Variants in SBNO1 observed in about 807,000 individuals in gnomAD.
The protein encoded by SBNO1 is strawberry notch homolog 1, also known as protein strawberry notch homolog 1.
SBNO1 carries 23 observed loss-of-function variants against 173.6 expected under a neutral mutation model. That is an observed-to-expected ratio of 0.13 (90% CI 0.10 to 0.19). The LOEUF is 0.19. SBNO1 is among the 10% of genes least tolerant of loss of function. SBNO1 has a pLI of 1.00. For missense variants in SBNO1, 1,238 were observed against 1,671.2 expected (o/e 0.74, Z 4.52); for synonymous variants, 632 against 571.5 (o/e 1.11, Z -1.51).
In SBNO1 at chr12:123,321,649, A is replaced by G. The variant is rs747266157; in HGVS notation, c.2209T>C (p.Ser737Pro). Residue 737 changes from serine (S) to proline (P), a missense_variant, in exon 17 of 32, where the codon TCT (serine) becomes CCT (proline). Ser to Pro is a moderately conservative substitution (Grantham distance 74, BLOSUM62 -1). Coordinates refer to ENST00000602398, the MANE Select transcript of SBNO1 (RefSeq NM_001167856.3). ...GSSSDDSGSE[S>P]DASDNEESDY... ...CTTTCTTCATTATCAGAGGCATCAG[A>G]TTCACTTCCACTGTCGTCAGAACTG... The G allele has an allele frequency of 1.9e-6, 3 of 1,614,056 alleles. No homozygotes were observed. In the South Asian group the frequency reaches 3.3e-5, roughly 18 times the overall value.
chr12:123,295,728 C>A lies in SBNO1; in HGVS notation c.*180G>T, dbSNP rs1435754269. The A allele has an allele frequency of 5.8e-6, 4 of 694,628 alleles. No individual in the cohort carries two copies. Among genetic ancestry groups the A allele is most frequent in the African/African-American group, 1.8e-5 (1 of 56,450 alleles). The allele number at this position is 694,628 out of a possible 1,614,324, so 43.0% of individuals were successfully genotyped here. On this transcript the variant is annotated 3_prime_UTR_variant, in exon 32 of 32. Coordinates refer to ENST00000602398, the MANE Select transcript of SBNO1 (RefSeq NM_001167856.3). ...AAAGGAAAGACATATGTACCACCAT[C>A]AGCACTGCTGATTTTCAGTTTTGCT...
At chr12:123,304,093 GCTATCTTTT>G (rs1413587009) in intron 29 of SBNO1, among the ~76,000 whole-genome samples, 2 of 151,784 alleles carry the variant, frequency 1.3e-5, no homozygotes, top group African/African-American at 2.4e-5. Context: ...ACTACGCCTG[GCTATCTTTT>G]CTATCTTTAG....
Position 123,313,739 on chromosome 12 carries a change from C to A in SBNO1, c.3121-20G>T, listed in dbSNP as rs774242908. The A allele has an allele frequency of 1.0e-5, 15 of 1,436,390 alleles. No individual in the cohort carries two copies. Among genetic ancestry groups the A allele is most frequent in the Admixed American group, 1.7e-5 (1 of 58,472 alleles). The allele number at this position is 1,436,390 out of a possible 1,614,324, so 89.0% of individuals were successfully genotyped here. On this transcript the variant is annotated intron_variant, in intron 23 of 31. Coordinates refer to ENST00000602398, the MANE Select transcript of SBNO1 (RefSeq NM_001167856.3). ...TCCATACTGCAAAAAAAAATCAAAA[C>A]CTTTAACCAGTTTCAGCATTTGGAT...
intron 1 of SBNO1, chr12:123,363,895 G>A (rs1407932922): frequency 2.0e-6 from 2 of 985,382 alleles, no homozygotes; most frequent in Non-Finnish European, 2.4e-6. Flanking sequence ...GAAGGGTTTA[G>A]GAACATCCAA....
intron 4 of SBNO1, among the ~76,000 whole-genome samples, chr12:123,343,598 G>T (rs1167683349): frequency 1.3e-5 from 2 of 150,014 alleles, no homozygotes; most frequent in African/African-American, 4.9e-5. Context: ...GAGTGCAGTG[G>T]CGCCATCTCA....
intron 1 of SBNO1, among the ~76,000 whole-genome samples, chr12:123,357,348 G>A (rs1376134995): frequency 6.6e-6 from 1 of 151,872 alleles, no homozygotes; most frequent in African/African-American, 2.4e-5. Context: ...TACTCCAGAG[G>A]CTGAGACAGG....
chr12:123,335,247 T>A (rs1871699484), intron 6 of SBNO1, among the ~76,000 whole-genome samples: 1 of 152,156 alleles, frequency 6.6e-6, no homozygotes, highest in African/African-American at 2.4e-5. Context: ...GAGACCAGCC[T>A]GGCCAACACG....
intron 9 of SBNO1, among the ~76,000 whole-genome samples, chr12:123,329,455 A>T (rs746834838): frequency 4.0e-5 from 6 of 151,810 alleles, no homozygotes; most frequent in Non-Finnish European, 5.9e-5. Context: ...AAACCAGACA[A>T]ACTTCCCTAT....
At chr12:123,343,537 C>CT (rs58841947) in intron 4 of SBNO1, among the ~76,000 whole-genome samples, 5,199 of 135,474 alleles carry the variant, frequency 0.038, 171 homozygotes, top group South Asian at 0.088. Flanking sequence ...CACTTACCAT[C>CT]TTTTTTTTTT....
At chr12:123,307,042 A>C (rs1447502085) in intron 28 of SBNO1, among the ~76,000 whole-genome samples, 4 of 148,540 alleles carry the variant, frequency 2.7e-5, no homozygotes, top group Non-Finnish European at 4.5e-5. Flanking sequence ...AAAAAAAAAA[A>C]GCCAAATGTG....
chr12:123,320,386 G>T, intron 19 of SBNO1, 46 bp downstream of exon 19: 2 of 1,482,452 alleles, frequency 1.3e-6, no homozygotes, highest in Non-Finnish European at 9.2e-7. Context: ...CATTTTACAG[G>T]GGTTCAAATG....
intron 3 of SBNO1, among the ~76,000 whole-genome samples, chr12:123,346,527 G>C (rs780141489): frequency 8.5e-5 from 13 of 152,142 alleles, no homozygotes; most frequent in Non-Finnish European, 1.6e-4. Context: ...AGCCGGGCGT[G>C]GTGGCGGATG....
intron 3 of SBNO1, 49 bp from the exon 4 acceptor site, chr12:123,345,619 A>C (rs1353427084): frequency 2.7e-6 from 4 of 1,477,200 alleles, no homozygotes; most frequent in Non-Finnish European, 3.7e-6. Flanking sequence ...TCATTCTCTA[A>C]TGAAGCTTAT....
At position 123,364,783 on chromosome 12, in the gene SBNO1, G is replaced by A. The variant is rs1231776964; in HGVS notation, c.-83C>T. 2.0e-6 allele frequency: 2 copies of A among 987,826 alleles called. No individual in the cohort carries two copies. Among genetic ancestry groups the A allele is most frequent in the African/African-American group, 1.8e-5 (1 of 57,016 alleles). 61.2% of individuals were successfully genotyped at this position (987,826 alleles called of 1,614,324 possible). A position where few individuals can be genotyped will look rare whatever the true frequency, so the allele number is the denominator to read the frequency against. On this transcript the variant is annotated 5_prime_UTR_variant, in exon 1 of 32. Transcript: ENST00000602398. Reference sequence around the variant, plus strand: ...ACCAGAGGCGACTGGAGCGGAGGCGGCGGTGGCGGCGGCAGCAGCGGCGTC... The same window carrying A: ...ACCAGAGGCGACTGGAGCGGAGGCGACGGTGGCGGCGGCAGCAGCGGCGTC...
At position 123,290,457 on chromosome 12, in the gene SBNO1, C is replaced by T. The variant is rs549528350; in HGVS notation, c.*5451G>A. 1.3e-4 allele frequency: 20 copies of T among 152,314 alleles called. No individual in the cohort carries two copies. The East Asian group carries it at 3.7e-3, about 28-fold the overall frequency. 9.4% of individuals were successfully genotyped at this position (152,314 alleles called of 1,614,324 possible). On this transcript the variant is annotated 3_prime_UTR_variant, in exon 32 of 32. Transcript: ENST00000602398. ...GTGAACAAATACCCAATGTCTGCCT[C>T]CCGGGTGCTCAACACCATCATTTTG...
At chr12:123,364,231 C>T (rs1875804499) in intron 1 of SBNO1, 28 of 985,514 alleles carry the variant, frequency 2.8e-5, no homozygotes, top group Non-Finnish European at 3.4e-5. Flanking sequence ...GCCTCCCTCC[C>T]TCGCCCAGAG....
In SBNO1 at chr12:123,331,280, G is replaced by A. The variant is rs763217744; in HGVS notation, c.1005C>T (p.Ile335=). 1.9e-6 allele frequency: 3 copies of A among 1,614,018 alleles called. No individual in the cohort carries two copies. The highest frequency in any genetic ancestry group is 2.7e-5 in the African/African-American group (2 of 75,020). The change falls in exon 8 of 32, where the codon ATC becomes ATT. Residue 335 remains isoleucine (I), a synonymous_variant. Coordinates refer to ENST00000602398, the MANE Select transcript of SBNO1 (RefSeq NM_001167856.3). ...VGKGRTIAGI[I]YENYLLSRKR... ...TTCTACTCAACAAATAATTTTCATA[G>A]ATGATTCCTGCTATCGTCCTTCCTT...
In SBNO1 at chr12:123,294,634, C is replaced by CAAAAAAAAAAAAAAAAAAAAAAAAGAA. The variant is rs2048560283; in HGVS notation, c.*1273_*1274insTTCTTTTTTTTTTTTTTTTTTTTTTTT. On this transcript the variant is annotated 3_prime_UTR_variant, in exon 32 of 32. Coordinates refer to ENST00000602398, the MANE Select transcript of SBNO1 (RefSeq NM_001167856.3). ...TTTTCAATAGTGCAACCTGTGGAAG[C>CAAAAAAAAAAAAAAAAAAAAAAAAGAA]AAAAAAAAAAAAAAAAAAAAAAAAA... 3 of 59,956 alleles carry CAAAAAAAAAAAAAAAAAAAAAAAAGAA rather than the reference C, an allele frequency of 5.0e-5. No homozygotes were observed. Among genetic ancestry groups the CAAAAAAAAAAAAAAAAAAAAAAAAGAA allele is most frequent in the Non-Finnish European group, 8.1e-5 (3 of 36,860 alleles). The allele number at this position is 59,956 out of a possible 1,614,324, so 3.7% of individuals were successfully genotyped here.
chr12:123,336,105 A>T (rs1230757626), intron 6 of SBNO1, among the ~76,000 whole-genome samples: 1 of 152,204 alleles, frequency 6.6e-6, no homozygotes, highest in Non-Finnish European at 1.5e-5. Context: ...AACAAAAACT[A>T]TGGAATTCAA....
Sources: allele counts gnomAD v4.1 joint callset (sites outside exome capture counted in the v4.1 genomes callset), GRCh38; gene constraint gnomAD v4.1.1; transcripts MANE v1.5; gene names NCBI Gene and HGNC (gene_info 2026-07-23, HGNC 2026-07-21).